The following CYFIP2 variants were observed in gnomAD, a reference collection of about 807,000 sequenced individuals.
CYFIP2 encodes the protein cytoplasmic FMR1 interacting protein 2.
CYFIP2 carries 29 observed loss-of-function variants against 158.7 expected under a neutral mutation model. The ratio of observed to expected loss-of-function variants is 0.18; its 90% CI spans 0.14 to 0.25. The LOEUF (loss-of-function observed/expected upper bound fraction) is 0.25, where lower values mean the gene tolerates loss of function less well. CYFIP2 is among the 10% of genes least tolerant of loss of function. The pLI, the probability that CYFIP2 is intolerant of heterozygous loss-of-function variation, is 1.00. For synonymous variants in CYFIP2, 585 were observed against 617.6 expected, an observed-to-expected ratio of 0.95 and a Z score of 0.78; for missense variants, 852 against 1,639.5, an observed-to-expected ratio of 0.52 and a Z score of 8.29.
At chr5:157,352,992 G>A (rs1763171872) in intron 23 of CYFIP2, among the ~76,000 whole-genome samples, 1 of 152,266 alleles carries the variant, frequency 6.6e-6, no homozygotes, top group Middle Eastern at 3.4e-3. Flanking sequence ...CTGAAGAGAC[G>A]GGAAACAGAT....
chr5:157,322,856 C>G, intron 15 of CYFIP2: 89 of 1,206,334 alleles, frequency 7.4e-5, no homozygotes, highest in Non-Finnish European at 9.1e-5. Context: ...TTGCTTTTCT[C>G]TCTCTCTCTC....
At chr5:157,270,371 G>T (rs1326578151) in intron 1 of CYFIP2, among the ~76,000 whole-genome samples, 2 of 152,174 alleles carry the variant, frequency 1.3e-5, no homozygotes, top group Non-Finnish European at 2.9e-5. Flanking sequence ...AGACTTCAGG[G>T]TTTGGAACAG....
intron 25 of CYFIP2, 78 bp downstream of exon 25, chr5:157,360,450 T>C (rs1364091921): frequency 1.6e-6 from 2 of 1,228,812 alleles, no homozygotes; most frequent in African/African-American, 1.5e-5. Context: ...GAGCGTTTGC[T>C]TCTCTAACAT....
rs371082038 is a variant in CYFIP2, at chr5:157,326,316, C to T, written c.2079+49C>T. The T allele has an allele frequency of 1.4e-4, 203 of 1,499,802 alleles. 1 individual carries two copies. Among genetic ancestry groups the T allele is most frequent in the East Asian group, 2.7e-4 (12 of 44,254 alleles). The allele number at this position is 1,499,802 out of a possible 1,614,324, so 92.9% of individuals were successfully genotyped here. ...GCTCCTTTAATCTTGTTCCAAATTC[C>T]GGACTTTTCCAGTCTTTTGCTATTA... On this transcript the variant is annotated intron_variant, in intron 18 of 30. Transcript: ENST00000620254.
chr5:157,388,659 C>T (rs1418091577), intron 28 of CYFIP2, among the ~76,000 whole-genome samples: 1 of 152,230 alleles, frequency 6.6e-6, no homozygotes, highest in Non-Finnish European at 1.5e-5. Flanking sequence ...TACTTTACAA[C>T]TTAACCAATA....
chr5:157,340,577 T>C (rs542685656), intron 22 of CYFIP2, among the ~76,000 whole-genome samples: 6 of 152,270 alleles, frequency 3.9e-5, no homozygotes, highest in African/African-American at 1.4e-4. Context: ...TTGTATTTGA[T>C]AAAGTTTTAT....
At chr5:157,371,964 A>C (rs1047952638) in intron 26 of CYFIP2, among the ~76,000 whole-genome samples, 1 of 152,214 alleles carries the variant, frequency 6.6e-6, no homozygotes, top group African/African-American at 2.4e-5. Flanking sequence ...CACTTGGTAC[A>C]TGCAAAACTA....
chr5:157,358,615 C>T (rs1763582565), intron 23 of CYFIP2, among the ~76,000 whole-genome samples: 1 of 152,216 alleles, frequency 6.6e-6, no homozygotes, highest in African/African-American at 2.4e-5. Context: ...TCACATGGTT[C>T]TTCCAGCCAA....
Position 157,362,459 on chromosome 5 carries a change from A to G in CYFIP2, c.3039+861A>G, listed in dbSNP as rs144519978. On this transcript the variant is annotated intron_variant, in intron 26 of 30. Coordinates refer to ENST00000620254, the MANE Select transcript of CYFIP2 (RefSeq NM_001037333.3). ...CCTTGGCTGTTGTTTTAAGTTAGTT[A>G]CTATTACCTTCTTGCTTATCAGCTT... Among the ~76,000 whole-genome samples the G allele has an allele frequency of 9.7e-3, 1,474 of 152,304 alleles. 22 individuals carry two copies. Among genetic ancestry groups the G allele is most frequent in the African/African-American group, 0.033 (1,369 of 41,562 alleles).
intron 29 of CYFIP2, 44 bp downstream of exon 29, chr5:157,389,471 G>C: frequency 6.7e-7 from 1 of 1,482,540 alleles, no homozygotes; most frequent in Non-Finnish European, 9.0e-7. Context: ...CAACCTGCCT[G>C]TGCTCCTGCA....
Position 157,389,428 on chromosome 5 carries a change from G to A in CYFIP2, c.3446+1G>A. 6.3e-7 allele frequency: 1 copy of A among 1,580,970 alleles called. No individual in the cohort carries two copies. Among genetic ancestry groups the A allele is most frequent in the Non-Finnish European group, 8.6e-7 (1 of 1,158,278 alleles). ...TGGGAACCAACGAGTTCACAGCTGA[G>A]TGAGTACCCCCCAGAGAAGGCAGGG... On this transcript the variant is annotated splice_donor_variant, in intron 29 of 30. Transcript: ENST00000620254. LOFTEE classifies it high-confidence loss of function.
chr5:157,323,338 G>A (rs548311193), intron 15 of CYFIP2, among the ~76,000 whole-genome samples: 2 of 152,294 alleles, frequency 1.3e-5, no homozygotes, highest in South Asian at 2.1e-4. Context: ...GGGTCAAAAC[G>A]CTGAGGGTCA....
intron 17 of CYFIP2, chr5:157,325,892 T>G: frequency 1.8e-6 from 1 of 541,086 alleles, no homozygotes; most frequent in Non-Finnish European, 3.2e-6. Flanking sequence ...AAGAATCATC[T>G]CAGGAGCAGG....
chr5:157,323,111 A>G (rs1760738733), intron 15 of CYFIP2: 1 of 1,152,018 alleles, frequency 8.7e-7, no homozygotes, highest in African/African-American at 1.5e-5. Context: ...TTCCAGCCCT[A>G]AGATTCACAG....
At chr5:157,268,912 G>A (rs1044742799) in intron 1 of CYFIP2, among the ~76,000 whole-genome samples, 2 of 152,230 alleles carry the variant, frequency 1.3e-5, no homozygotes, top group African/African-American at 2.4e-5. Context: ...GGAGGCAGGG[G>A]AGGAACTAGA....
Position 157,360,437 on chromosome 5 carries a change from T to G in CYFIP2, c.2908+65T>G, listed in dbSNP as rs564937313. On this transcript the variant is annotated intron_variant, in intron 25 of 30. Coordinates refer to ENST00000620254, the MANE Select transcript of CYFIP2 (RefSeq NM_001037333.3). ...GGGAGGGAGGCTCTGACCATCCACC[T>G]TAGAGCGTTTGCTTCTCTAACATGC... 4.5e-5 allele frequency: 62 copies of G among 1,379,700 alleles called. No homozygotes were observed. The Middle Eastern group carries it at 7.4e-4, about 16-fold the overall frequency. 85.5% of individuals were successfully genotyped at this position (1,379,700 alleles called of 1,614,324 possible).
intron 14 of CYFIP2, 116 bp from the exon 15 acceptor site, chr5:157,320,539 C>T (rs753617829): frequency 1.5e-4 from 208 of 1,355,270 alleles, no homozygotes; most frequent in Admixed American, 2.7e-4. Context: ...TTTACAAGCA[C>T]CCCAAGAATT....
chr5:157,393,054 A>G lies in CYFIP2; in HGVS notation c.*54A>G. 1 of 1,591,722 alleles carries G rather than the reference A, an allele frequency of 6.3e-7. No homozygotes were observed. The highest frequency in any genetic ancestry group is 8.6e-7 in the Non-Finnish European group (1 of 1,168,674). Reference sequence around the variant, plus strand: ...AGGAGGAAGAGAAGCAGGAGAGAGAAAGCCACAGCCAGCCTGCCATAGGAT... The same window carrying G: ...AGGAGGAAGAGAAGCAGGAGAGAGAGAGCCACAGCCAGCCTGCCATAGGAT... On this transcript the variant is annotated 3_prime_UTR_variant, in exon 31 of 31. Transcript: ENST00000620254.
rs531534677 is a variant in CYFIP2, at chr5:157,293,546, T to C, written c.208-1237T>C. Among the ~76,000 whole-genome samples, 9 of 152,346 alleles carry C rather than the reference T, an allele frequency of 5.9e-5. No homozygotes were observed. In the South Asian group the frequency reaches 6.2e-4, roughly 11 times the overall value. ...TTATGAGATAGTACATGGGCTGTTA[T>C]AAAAGTGTGAAAATTATAGTGCTAT... On this transcript the variant is annotated intron_variant, in intron 3 of 30. Transcript: ENST00000620254.
Sources: allele counts gnomAD v4.1 joint callset (sites outside exome capture counted in the v4.1 genomes callset), GRCh38; gene constraint gnomAD v4.1.1; transcripts MANE v1.5; gene names NCBI Gene and HGNC (gene_info 2026-07-23, HGNC 2026-07-21).